The following AP3S2 variants were observed in gnomAD, a reference collection of about 807,000 sequenced individuals.
AP3S2 encodes AP-3 complex subunit sigma-2.
A neutral mutation model predicts 23.4 loss-of-function variants in AP3S2; 22 were observed. The observed-to-expected ratio is 0.94, with a 90% CI of 0.67 to 1.34. The LOEUF is 1.34. Ranked by LOEUF, AP3S2 falls within the 40% of genes most tolerant of loss-of-function variation. AP3S2 has a pLI of 0.00. For synonymous variants in AP3S2, 86 were observed against 87.1 expected, an observed-to-expected ratio of 0.99 and a Z score of 0.07; for missense variants, 241 against 236.9, an observed-to-expected ratio of 1.02 and a Z score of -0.11.
At chr15:89,891,518 G>A (rs968572684) in intron 1 of AP3S2, among the ~76,000 whole-genome samples, 2 of 152,052 alleles carry the variant, frequency 1.3e-5, no homozygotes, top group African/African-American at 4.8e-5. Flanking sequence ...AATTAGCCAG[G>A]CATGGTCGTG....
chr15:89,867,147 C>G (rs1416125904), intron 4 of AP3S2, among the ~76,000 whole-genome samples: 2 of 148,308 alleles, frequency 1.3e-5, no homozygotes, highest in Non-Finnish European at 3.0e-5. Flanking sequence ...CTCAGCCTGC[C>G]GAGTGCCTGC....
In AP3S2 at chr15:89,832,871, A is replaced by G. The variant is rs1244798652; in HGVS notation, c.*2644T>C. The G allele has an allele frequency of 6.6e-6, 1 of 152,220 alleles. No individual in the cohort carries two copies. Among genetic ancestry groups the G allele is most frequent in the Non-Finnish European group, 1.5e-5 (1 of 68,030 alleles). 9.4% of individuals were successfully genotyped at this position (152,220 alleles called of 1,614,324 possible). A position where few individuals can be genotyped will look rare whatever the true frequency, so the allele number is the denominator to read the frequency against. Reference sequence around the variant, plus strand: ...CTAGCTGAATTTGCAGGCAACCTCAAGTAGTTAATGAAAAATTATTGTGGC... The same window carrying G: ...CTAGCTGAATTTGCAGGCAACCTCAGGTAGTTAATGAAAAATTATTGTGGC... On this transcript the variant is annotated 3_prime_UTR_variant, in exon 6 of 6. Transcript: ENST00000336418.
At chr15:89,890,351 TA>T (rs1446529660) in intron 1 of AP3S2, among the ~76,000 whole-genome samples, 2 of 152,174 alleles carry the variant, frequency 1.3e-5, no homozygotes, top group African/African-American at 2.4e-5. Context: ...TGTCTGGCCT[TA>T]TTTTTTCACT....
At chr15:89,844,320 T>TTTCC (rs893521555) in intron 4 of AP3S2, among the ~76,000 whole-genome samples, 4 of 149,554 alleles carry the variant, frequency 2.7e-5, no homozygotes, top group Non-Finnish European at 5.9e-5. Flanking sequence ...TCCTTCCTTC[T>TTTCC]TTCCTTCCTT....
At chr15:89,884,954 C>G (rs1896661117) in intron 3 of AP3S2, among the ~76,000 whole-genome samples, 1 of 152,048 alleles carries the variant, frequency 6.6e-6, no homozygotes, top group East Asian at 1.9e-4. Flanking sequence ...GCCCATCTTC[C>G]TTTTTAGAGT....
intron 5 of AP3S2, 28 bp from the exon 6 acceptor site, chr15:89,835,671 G>T: frequency 7.6e-7 from 1 of 1,320,252 alleles, no homozygotes; most frequent in South Asian, 1.3e-5. Flanking sequence ...GCGAGTATGA[G>T]ACAAATTCTC....
intron 4 of AP3S2, among the ~76,000 whole-genome samples, chr15:89,860,797 A>T (rs1456333584): frequency 6.6e-6 from 1 of 152,192 alleles, no homozygotes; most frequent in East Asian, 1.9e-4. Flanking sequence ...GATGCAATGG[A>T]ACACAAGGCT....
At chr15:89,876,533 T>A (rs1300391421) in intron 3 of AP3S2, 3 of 152,054 alleles carry the variant, frequency 2.0e-5, no homozygotes, top group African/African-American at 7.3e-5. Context: ...TAAATAAATA[T>A]GACATGCATA....
At chr15:89,845,916 A>G (rs1895476453) in intron 4 of AP3S2, 1 of 152,256 alleles carries the variant, frequency 6.6e-6, no homozygotes, top group Admixed American at 6.5e-5. Flanking sequence ...GTTTATTAAC[A>G]GAGTTTAAAC....
At chr15:89,876,309 C>T (rs1896441966) in intron 3 of AP3S2, among the ~76,000 whole-genome samples, 1 of 152,018 alleles carries the variant, frequency 6.6e-6, no homozygotes, top group Admixed American at 6.6e-5. Flanking sequence ...GTCCCAGCTA[C>T]TTGGGAGGCT....
chr15:89,846,930 C>G (rs554978995), intron 4 of AP3S2, among the ~76,000 whole-genome samples: 1 of 152,304 alleles, frequency 6.6e-6, no homozygotes, highest in East Asian at 1.9e-4. Context: ...CTCAGCCTCC[C>G]AAAGTGCTGG....
At chr15:89,838,444 C>T (rs1895246499) in intron 4 of AP3S2, among the ~76,000 whole-genome samples, 1 of 152,192 alleles carries the variant, frequency 6.6e-6, no homozygotes, top group Non-Finnish European at 1.5e-5. Flanking sequence ...GTCATCTAAA[C>T]AAAGCTGAAT....
intron 1 of AP3S2, among the ~76,000 whole-genome samples, chr15:89,890,412 C>G (rs146173086): frequency 5.5e-4 from 83 of 152,288 alleles, no homozygotes; most frequent in Admixed American, 1.3e-3. Context: ...TTTGATAACT[C>G]ACCTTTGATT....
intron 3 of AP3S2, among the ~76,000 whole-genome samples, chr15:89,882,766 C>A (rs1158469363): frequency 6.6e-6 from 1 of 152,216 alleles, no homozygotes; most frequent in African/African-American, 2.4e-5. Context: ...ATAATCAATT[C>A]ATCTGTAACT....
chr15:89,889,413 CAAG>C, intron 1 of AP3S2: 1 of 352,896 alleles, frequency 2.8e-6, no homozygotes, highest in South Asian at 4.0e-5. Context: ...GATATTTAAA[CAAG>C]AAAAGGAACA....
intron 4 of AP3S2, among the ~76,000 whole-genome samples, chr15:89,855,468 T>C (rs1407038933): frequency 8.1e-6 from 1 of 122,718 alleles, no homozygotes; most frequent in Non-Finnish European, 1.7e-5. Flanking sequence ...CCCTCCACTA[T>C]TGTCCCATGA....
intron 4 of AP3S2, among the ~76,000 whole-genome samples, chr15:89,867,410 T>C (rs921318407): frequency 6.6e-5 from 10 of 151,442 alleles, no homozygotes; most frequent in African/African-American, 2.2e-4. Context: ...AGTGCCGAGA[T>C]TGCAGCCTCT....
chr15:89,885,239 G>A (rs1207431892), intron 3 of AP3S2, among the ~76,000 whole-genome samples: 1 of 151,584 alleles, frequency 6.6e-6, no homozygotes, highest in Non-Finnish European at 1.5e-5. Flanking sequence ...CTATTGCCCA[G>A]GCTGGAGTGT....
intron 4 of AP3S2, among the ~76,000 whole-genome samples, chr15:89,858,578 A>G (rs1895923937): frequency 6.6e-6 from 1 of 152,026 alleles, no homozygotes; most frequent in Non-Finnish European, 1.5e-5. Context: ...TCTACTTCTT[A>G]TCTTAGAGTA....
Sources: gnomAD v4.1 joint callset for allele counts (sites outside exome capture counted in the v4.1 genomes callset) on GRCh38, gnomAD v4.1.1 for gene constraint, MANE v1.5 for transcripts, NCBI Gene and HGNC (gene_info 2026-07-23, HGNC 2026-07-21) for gene names.